Variants in SMAP2 observed in about 807,000 individuals in gnomAD.
SMAP2 encodes stromal membrane-associated protein 2.
In SMAP2, 25 loss-of-function variants were observed where a neutral mutation model predicts 56.4. That is an observed-to-expected ratio of 0.44 (90% confidence interval 0.32 to 0.62). The LOEUF (loss-of-function observed/expected upper bound fraction) is 0.62, where lower values mean the gene tolerates loss of function less well. SMAP2 is among the 20% of genes least tolerant of loss of function. SMAP2 has a pLI of 0.04. For synonymous variants in SMAP2, 157 were observed against 181.7 expected, an observed-to-expected ratio of 0.86 and a Z score of 1.09; for missense variants, 388 against 545.6, an observed-to-expected ratio of 0.71 and a Z score of 2.88.
chr1:40,420,052 GA>G (rs1172510504), intron 9 of SMAP2, among the ~76,000 whole-genome samples: 2 of 151,968 alleles, frequency 1.3e-5, no homozygotes, highest in Admixed American at 6.6e-5. Flanking sequence ...GTCAATTTTG[GA>G]AAACTGTATT....
At chr1:40,419,657 T>A (rs1178300322) in intron 9 of SMAP2, among the ~76,000 whole-genome samples, 1 of 152,204 alleles carries the variant, frequency 6.6e-6, no homozygotes, top group East Asian at 1.9e-4. Context: ...ATGATGGAGT[T>A]GAGACCAAAC....
chr1:40,421,025 G>A (rs1310335654), intron 9 of SMAP2, among the ~76,000 whole-genome samples: 2 of 151,020 alleles, frequency 1.3e-5, no homozygotes, highest in African/African-American at 2.4e-5. Flanking sequence ...ATGAAATGTC[G>A]TGATAGCTGC....
At chr1:40,352,246 AG>A (rs1644411915) in intron 1 of SMAP2, among the ~76,000 whole-genome samples, 1 of 152,152 alleles carries the variant, frequency 6.6e-6, no homozygotes, top group Non-Finnish European at 1.5e-5. Context: ...TATTAGGAAC[AG>A]GGTGGAGTTC....
intron 1 of SMAP2, chr1:40,344,973 T>C (rs545788329): frequency 7.9e-5 from 12 of 152,062 alleles, no homozygotes; most frequent in African/African-American, 2.9e-4. Context: ...TTTCTTTCTT[T>C]CTTTCTCTTT....
intron 1 of SMAP2, among the ~76,000 whole-genome samples, chr1:40,406,315 C>G (rs144444384): frequency 6.6e-6 from 1 of 152,086 alleles, no homozygotes; most frequent in Admixed American, 6.6e-5. Context: ...AAAATTGTAC[C>G]ATGCACAAAT....
At chr1:40,375,892 AAG>A (rs1265302475) in intron 1 of SMAP2, 2 of 397,080 alleles carry the variant, frequency 5.0e-6, no homozygotes, top group Non-Finnish European at 6.8e-6. Flanking sequence ...CAGCACATGG[AAG>A]AGAGAGGCTG....
At chr1:40,356,388 T>C (rs1176199968) in intron 1 of SMAP2, among the ~76,000 whole-genome samples, 1 of 151,506 alleles carries the variant, frequency 6.6e-6, no homozygotes, top group African/African-American at 2.4e-5. Flanking sequence ...CTATTTTTAG[T>C]TTTTTGTGGG....
chr1:40,347,012 G>T (rs1177118980), intron 1 of SMAP2, among the ~76,000 whole-genome samples: 1 of 140,576 alleles, frequency 7.1e-6, no homozygotes, highest in East Asian at 2.1e-4. Flanking sequence ...ACTTGGCCTG[G>T]CTTAAAAATC....
intron 1 of SMAP2, among the ~76,000 whole-genome samples, chr1:40,377,374 C>T (rs74694974): frequency 3.2e-3 from 491 of 152,226 alleles, no homozygotes; most frequent in Non-Finnish European, 4.9e-3. Flanking sequence ...TTTTGTTGAT[C>T]CTGGGGTTTT....
At position 40,393,541 on chromosome 1, in the gene SMAP2, C is replaced by CTTT. The variant is rs35913943; in HGVS notation, c.104-13175_104-13173dup. 5.2e-4 allele frequency: 421 copies of CTTT among 811,514 alleles called. 2 individuals carry two copies. The highest frequency in any genetic ancestry group is 3.5e-3 in the African/African-American group (133 of 37,546). The allele number at this position is 811,514 out of a possible 1,614,324, so 50.3% of individuals were successfully genotyped here. A position where few individuals can be genotyped will look rare whatever the true frequency, so the allele number is the denominator to read the frequency against. Reference sequence around the variant, plus strand: ...AACAAAGTGTAAGTAGTTCTTCTAACTTTTTTTTTTTTTTTTTTTTTTGTG... The same window carrying CTTT: ...AACAAAGTGTAAGTAGTTCTTCTAACTTTTTTTTTTTTTTTTTTTTTTTTTGTG... On this transcript the variant is annotated intron_variant, in intron 1 of 9. Transcript: ENST00000372718.
intron 1 of SMAP2, among the ~76,000 whole-genome samples, chr1:40,395,799 C>A (rs765798007): frequency 6.6e-6 from 1 of 152,170 alleles, no homozygotes; most frequent in Non-Finnish European, 1.5e-5. Flanking sequence ...TCCTAGTAGA[C>A]CTCAGTCTGC....
At chr1:40,400,896 C>G (rs1243327395) in intron 1 of SMAP2, among the ~76,000 whole-genome samples, 1 of 152,162 alleles carries the variant, frequency 6.6e-6, no homozygotes, top group African/African-American at 2.4e-5. Context: ...CTTATTTTCT[C>G]TGCCTTTGTA....
intron 2 of SMAP2, 66 bp downstream of exon 2, chr1:40,406,935 T>TGC: frequency 6.7e-7 from 1 of 1,501,056 alleles, no homozygotes; most frequent in Non-Finnish European, 9.0e-7. Flanking sequence ...CAGATGAATT[T>TGC]CAGTCAAACC....
chr1:40,399,184 G>A (rs12754102), intron 1 of SMAP2, among the ~76,000 whole-genome samples: 6,561 of 151,918 alleles, frequency 0.043, 208 homozygotes, highest in Non-Finnish European at 0.068. Context: ...TTGCTCTGTT[G>A]CCCAGGCTGG....
At chr1:40,360,346 C>T (rs1354645637) in intron 1 of SMAP2, among the ~76,000 whole-genome samples, 2 of 140,312 alleles carry the variant, frequency 1.4e-5, no homozygotes, top group Non-Finnish European at 3.1e-5. Context: ...CTCTGTTGCC[C>T]AGGCTGGAGT....
chr1:40,406,899 T>G (rs748442421), intron 2 of SMAP2, 30 bp downstream of exon 2: 4 of 1,585,246 alleles, frequency 2.5e-6, no homozygotes, highest in Non-Finnish European at 3.4e-6. Context: ...GTCAGCTGCT[T>G]CCATATATCT....
At chr1:40,371,814 A>C (rs1317633010), upstream of SMAP2, among the ~76,000 whole-genome samples, 1 of 152,216 alleles carries the variant, frequency 6.6e-6, no homozygotes, top group African/African-American at 2.4e-5. Flanking sequence ...ATTATATTAC[A>C]GGCATTATCT....
In SMAP2 at chr1:40,374,518, G is replaced by A. The variant is rs1346351775; in HGVS notation, c.103+295G>A. ...ATTTGAGGGCTCTGAATGAGTTCTG[G>A]GCCGGCTGTCCAGAGAGAGCTCCCA... On this transcript the variant is annotated intron_variant, in intron 1 of 9. Coordinates refer to ENST00000372718, the MANE Select transcript of SMAP2 (RefSeq NM_022733.3). The surrounding 1 kb of genome is among the most constrained non-coding windows in gnomAD (Gnocchi z 5.9). The A allele has an allele frequency of 4.8e-6, 4 of 829,614 alleles. No individual in the cohort carries two copies. The highest frequency in any genetic ancestry group is 7.9e-6 in the Non-Finnish European group (4 of 508,972). The allele number at this position is 829,614 out of a possible 1,614,324, so 51.4% of individuals were successfully genotyped here.
chr1:40,409,338 A>G (rs1377713008), intron 3 of SMAP2, among the ~76,000 whole-genome samples: 1 of 152,160 alleles, frequency 6.6e-6, no homozygotes, highest in Non-Finnish European at 1.5e-5. Context: ...GGGGCCTTGC[A>G]GAAGACCCAC....
Sources: gnomAD v4.1 joint callset for allele counts (sites outside exome capture counted in the v4.1 genomes callset) on GRCh38, gnomAD v4.1.1 for gene constraint, Gnocchi (gnomAD v3.1) non-coding constraint, MANE v1.5 for transcripts, NCBI Gene and HGNC (gene_info 2026-07-23, HGNC 2026-07-21) for gene names.